The following LINGO2 variants were observed in gnomAD, a reference collection of about 807,000 sequenced individuals.
LINGO2 encodes leucine-rich repeat and immunoglobulin-like domain-containing nogo receptor-interacting protein 2.
In LINGO2, 14 loss-of-function variants were observed where a neutral mutation model predicts 30.6. The ratio of observed to expected loss-of-function variants is 0.46; its 90% CI spans 0.30 to 0.72. The LOEUF is 0.72. LINGO2 is among the 30% of genes least tolerant of loss of function. LINGO2 has a pLI of 0.07. For synonymous variants in LINGO2, 317 were observed against 288.5 expected, an observed-to-expected ratio of 1.10 and a Z score of -1.00; for missense variants, 729 against 751.7, an observed-to-expected ratio of 0.97 and a Z score of 0.35.
At chr9:28,354,294 C>T (rs369353600) in intron 3 of LINGO2, among the ~76,000 whole-genome samples, 2 of 152,082 alleles carry the variant, frequency 1.3e-5, no homozygotes, top group East Asian at 3.9e-4. Context: ...TGTTGCGGTT[C>T]ATTATTAATT....
At chr9:28,959,587 ATCTC>A in the LINGO2 span, among the ~76,000 whole-genome samples, 9 of 107,530 alleles carry the variant, frequency 8.4e-5, no homozygotes, top group South Asian at 9.4e-4. Context: ...CTTTTCTTTT[ATCTC>A]TCTCTCTCTC....
chr9:28,531,284 C>T (rs1821228301), intron 1 of LINGO2, among the ~76,000 whole-genome samples: 1 of 152,014 alleles, frequency 6.6e-6, no homozygotes. Flanking sequence ...CCCAGGGCCA[C>T]AGCAACCTCT....
chr9:28,854,394 G>C, the LINGO2 span, among the ~76,000 whole-genome samples: 7 of 151,946 alleles, frequency 4.6e-5, no homozygotes, highest in Admixed American at 2.6e-4. Context: ...TAATATAAAA[G>C]TATGTGCAGC....
the LINGO2 span, among the ~76,000 whole-genome samples, chr9:28,941,095 T>A: frequency 6.6e-6 from 1 of 151,620 alleles, no homozygotes; most frequent in African/African-American, 2.4e-5. Context: ...TCAGCTGAAA[T>A]AAAATAAGCA....
At chr9:27,984,137 C>T (rs1401342143) in intron 5 of LINGO2, among the ~76,000 whole-genome samples, 2 of 151,778 alleles carry the variant, frequency 1.3e-5, no homozygotes, top group African/African-American at 2.4e-5. Context: ...TTTGTGGTCC[C>T]TTTCATAATA....
chr9:28,057,695 T>C (rs189904757), intron 4 of LINGO2, among the ~76,000 whole-genome samples: 103 of 132,168 alleles, frequency 7.8e-4, no homozygotes, highest in African/African-American at 2.5e-3. Context: ...CAAGGTAACA[T>C]GGTAGAAGAT....
At chr9:27,957,514 G>A (rs911370252) in intron 5 of LINGO2, among the ~76,000 whole-genome samples, 3 of 152,056 alleles carry the variant, frequency 2.0e-5, no homozygotes, top group South Asian at 2.1e-4. Flanking sequence ...GGATGATCTC[G>A]ATCTCCTGAC....
At chr9:28,859,116 T>C in the LINGO2 span, among the ~76,000 whole-genome samples, 154 of 152,242 alleles carry the variant, frequency 1.0e-3, no homozygotes, top group Middle Eastern at 6.8e-3. Context: ...TACATCTTAG[T>C]TGTTTTTCTG....
At chr9:29,093,533 A>T in the LINGO2 span, among the ~76,000 whole-genome samples, 32 of 136,382 alleles carry the variant, frequency 2.3e-4, 6 homozygotes, top group Non-Finnish European at 4.3e-4. Context: ...ATTTTAATGA[A>T]AATTTTTTCT....
chr9:28,283,811 G>A (rs1297482885), intron 4 of LINGO2, among the ~76,000 whole-genome samples: 2 of 151,936 alleles, frequency 1.3e-5, no homozygotes, highest in African/African-American at 4.8e-5. Context: ...TTATTTTATT[G>A]CTATTGTCAT....
intron 1 of LINGO2, among the ~76,000 whole-genome samples, chr9:28,587,087 G>A (rs1824585409): frequency 6.6e-6 from 1 of 151,954 alleles, no homozygotes; most frequent in South Asian, 2.1e-4. Flanking sequence ...TAAGAGAAAA[G>A]GAGCTTCATA....
intron 1 of LINGO2, among the ~76,000 whole-genome samples, chr9:28,548,725 A>T (rs957915187): frequency 1.3e-4 from 20 of 150,018 alleles, no homozygotes; most frequent in East Asian, 9.9e-4. Flanking sequence ...AAAAAAAAAA[A>T]AAAAATATTT....
chr9:28,497,278 C>T (rs1188448338), intron 1 of LINGO2, among the ~76,000 whole-genome samples: 1 of 152,142 alleles, frequency 6.6e-6, no homozygotes, highest in African/African-American at 2.4e-5. Context: ...CCATTCTCCC[C>T]ACTACTTTCA....
chr9:28,336,785 T>C (rs970814641), intron 3 of LINGO2, among the ~76,000 whole-genome samples: 3 of 151,102 alleles, frequency 2.0e-5, no homozygotes, highest in Non-Finnish European at 2.9e-5. Context: ...CCAGTGCAAA[T>C]TGTGGCAAAA....
the LINGO2 span, among the ~76,000 whole-genome samples, chr9:28,757,986 C>T: frequency 6.6e-6 from 1 of 152,154 alleles, no homozygotes; most frequent in East Asian, 1.9e-4. Context: ...GGGGTGCTTC[C>T]TCTAGAATAT....
At chr9:28,562,959 G>T (rs1375792471) in intron 1 of LINGO2, among the ~76,000 whole-genome samples, 1 of 151,962 alleles carries the variant, frequency 6.6e-6, no homozygotes, top group African/African-American at 2.4e-5. Flanking sequence ...CGATTATCCT[G>T]CCTCAGCCTC....
At chr9:28,249,825 T>C (rs1822131396) in intron 4 of LINGO2, among the ~76,000 whole-genome samples, 1 of 152,210 alleles carries the variant, frequency 6.6e-6, no homozygotes, top group African/African-American at 2.4e-5. Flanking sequence ...TTGTATTTTT[T>C]AAAACTCCAT....
the LINGO2 span, chr9:27,942,373 T>G: frequency 3.3e-5 from 5 of 152,348 alleles, no homozygotes; most frequent in South Asian, 8.3e-4. Flanking sequence ...TGTCTCATAT[T>G]GCATTTCTTA....
At chr9:28,818,780 C>T in the LINGO2 span, among the ~76,000 whole-genome samples, 1 of 152,078 alleles carries the variant, frequency 6.6e-6, no homozygotes, top group East Asian at 1.9e-4. Flanking sequence ...AGGAGATAAA[C>T]TTTCTAATTT....
Sources: allele counts gnomAD v4.1 joint callset (sites outside exome capture counted in the v4.1 genomes callset), GRCh38; gene constraint gnomAD v4.1.1; transcripts MANE v1.5; gene names NCBI Gene and HGNC (gene_info 2026-07-23, HGNC 2026-07-21).